Variants in PKIG observed in about 807,000 individuals in gnomAD.
PKIG encodes cAMP-dependent protein kinase inhibitor gamma, also known as protein kinase (cAMP-dependent, catalytic) inhibitor gamma.
PKIG carries 1 observed loss-of-function variant against 6.8 expected under a neutral mutation model. The observed-to-expected ratio is 0.15, with a 90% confidence interval of 0.05 to 0.69. The LOEUF (loss-of-function observed/expected upper bound fraction) is 0.69. Ranked by LOEUF, PKIG falls within the 30% of genes least tolerant of loss-of-function variation. The pLI is 0.82. For missense variants in PKIG, 77 were observed against 104.0 expected, an observed-to-expected ratio of 0.74 and a Z score of 1.13; for synonymous variants, 39 against 43.0, an observed-to-expected ratio of 0.91 and a Z score of 0.36.
chr20:44,582,913 G>T (rs1672277144), intron 1 of PKIG, among the ~76,000 whole-genome samples, 182 bp downstream of exon 1: 1 of 152,198 alleles, frequency 6.6e-6, no homozygotes, highest in African/African-American at 2.4e-5. Context: ...CCTAAGGCTA[G>T]TCGGAGCCTC....
intron 1 of PKIG, among the ~76,000 whole-genome samples, chr20:44,575,807 G>A (rs2064892034): frequency 6.6e-6 from 1 of 152,162 alleles, no homozygotes; most frequent in African/African-American, 2.4e-5. Flanking sequence ...TGTGCTGCAG[G>A]TATGGGATAG....
At chr20:44,604,752 C>T (rs577320015) in intron 2 of PKIG, among the ~76,000 whole-genome samples, 2 of 152,278 alleles carry the variant, frequency 1.3e-5, no homozygotes, top group East Asian at 3.9e-4. Flanking sequence ...CAAGCACCAG[C>T]ATATGCCAGG....
At chr20:44,557,802 T>C (rs937642697) in intron 1 of PKIG, among the ~76,000 whole-genome samples, 2 of 151,752 alleles carry the variant, frequency 1.3e-5, no homozygotes, top group Non-Finnish European at 2.9e-5. Context: ...CCAGCCTGGG[T>C]GGCAGAGCAA....
At position 44,618,573 on chromosome 20, in the gene PKIG, G is replaced by A. The variant is rs904951913; in HGVS notation, c.*209G>A. On this transcript the variant is annotated 3_prime_UTR_variant, in exon 4 of 4. Transcript: ENST00000372886. ...CAGGCTTCACATTCCCACCACCTTC[G>A]CACCGTGCCCAGGTACACTTTCAAG... 7 of 525,622 alleles carry A rather than the reference G, an allele frequency of 1.3e-5. No homozygotes were observed. The highest frequency in any genetic ancestry group is 5.8e-5 in the African/African-American group (3 of 51,856). 32.6% of individuals were successfully genotyped at this position (525,622 alleles called of 1,614,324 possible). A position where few individuals can be genotyped will look rare whatever the true frequency, so the allele number is the denominator to read the frequency against.
At chr20:44,566,616 C>T (rs1232081880) in intron 1 of PKIG, among the ~76,000 whole-genome samples, 1 of 152,094 alleles carries the variant, frequency 6.6e-6, no homozygotes, top group Non-Finnish European at 1.5e-5. Flanking sequence ...GAGGCCGAGG[C>T]AGGCAGATCA....
intron 2 of PKIG, among the ~76,000 whole-genome samples, chr20:44,610,694 C>G (rs1456198514): frequency 6.6e-6 from 1 of 152,152 alleles, no homozygotes; most frequent in African/African-American, 2.4e-5. Context: ...CACAAAGAAC[C>G]ACAGTTGACA....
intron 1 of PKIG, among the ~76,000 whole-genome samples, chr20:44,548,496 T>C (rs1430463345): frequency 4.6e-5 from 7 of 152,208 alleles, no homozygotes; most frequent in African/African-American, 1.7e-4. Context: ...TTATGTAGCT[T>C]GTCCATATAT....
intron 1 of PKIG, among the ~76,000 whole-genome samples, chr20:44,572,335 C>T (rs541718383): frequency 1.3e-5 from 2 of 152,138 alleles, no homozygotes; most frequent in Non-Finnish European, 2.9e-5. Flanking sequence ...AGACATCACT[C>T]AGTTACTGTT....
intron 3 of PKIG, among the ~76,000 whole-genome samples, chr20:44,616,906 C>G (rs2065270441): frequency 6.6e-6 from 1 of 152,194 alleles, no homozygotes; most frequent in African/African-American, 2.4e-5. Flanking sequence ...CCACCCACTT[C>G]CTAGCTTGCC....
chr20:44,552,666 T>A (rs576636570), intron 1 of PKIG, among the ~76,000 whole-genome samples: 44 of 152,222 alleles, frequency 2.9e-4, no homozygotes, highest in African/African-American at 1.1e-3. Flanking sequence ...CTGTAAAACA[T>A]GGATAATAAC....
chr20:44,546,750 A>C (rs1253965974), intron 1 of PKIG, among the ~76,000 whole-genome samples: 1 of 145,948 alleles, frequency 6.9e-6, no homozygotes, highest in African/African-American at 2.6e-5. Flanking sequence ...ACGGGGTTTC[A>C]CCATGTTGAC....
intron 2 of PKIG, among the ~76,000 whole-genome samples, chr20:44,612,164 T>A (rs913373938): frequency 1.3e-5 from 2 of 152,138 alleles, no homozygotes; most frequent in Admixed American, 6.5e-5. Context: ...TATGGTACTG[T>A]TTTTAATTTT....
At chr20:44,575,243 C>T (rs1482667922) in intron 1 of PKIG, among the ~76,000 whole-genome samples, 1 of 151,952 alleles carries the variant, frequency 6.6e-6, no homozygotes, top group African/African-American at 2.4e-5. Flanking sequence ...ATTTTTGAGA[C>T]GGAGGCTGGC....
chr20:44,608,381 A>G (rs1222538418), intron 2 of PKIG, among the ~76,000 whole-genome samples: 1 of 152,214 alleles, frequency 6.6e-6, no homozygotes, highest in South Asian at 2.1e-4. Context: ...TTAATGCCTG[A>G]ATGGTATTTC....
intron 2 of PKIG, chr20:44,598,479 G>A (rs1230645561): frequency 1.3e-5 from 2 of 152,108 alleles, no homozygotes; most frequent in Non-Finnish European, 2.9e-5. Flanking sequence ...TGAGACTCCC[G>A]AGGTTTGAGG....
At chr20:44,539,100 T>G (rs1196248068) in intron 1 of PKIG, among the ~76,000 whole-genome samples, 1 of 152,148 alleles carries the variant, frequency 6.6e-6, no homozygotes. Context: ...CACTAATTTT[T>G]GTATTTTTAG....
chr20:44,600,762 G>A (rs1470891331), intron 2 of PKIG, among the ~76,000 whole-genome samples: 1 of 151,820 alleles, frequency 6.6e-6, no homozygotes, highest in African/African-American at 2.4e-5. Flanking sequence ...AAGAAGCGAG[G>A]TCAGGGATGG....
chr20:44,576,622 A>G (rs1203619638), intron 1 of PKIG, among the ~76,000 whole-genome samples: 1 of 152,190 alleles, frequency 6.6e-6, no homozygotes, highest in Non-Finnish European at 1.5e-5. Context: ...CTACCTCAGG[A>G]TAGTCCCTTG....
intron 1 of PKIG, among the ~76,000 whole-genome samples, chr20:44,574,954 A>T (rs1600864496): frequency 6.6e-6 from 1 of 152,382 alleles, no homozygotes; most frequent in East Asian, 1.9e-4. Context: ...ATCCTTTATT[A>T]TTAGCAGTGG....
Sources: gnomAD v4.1 joint callset for allele counts (sites outside exome capture counted in the v4.1 genomes callset) on GRCh38, gnomAD v4.1.1 for gene constraint, MANE v1.5 for transcripts, NCBI Gene and HGNC (gene_info 2026-07-23, HGNC 2026-07-21) for gene names.